Variants in TAFA4 observed in about 807,000 individuals in gnomAD.
The protein encoded by TAFA4 is chemokine-like protein TAFA-4.
TAFA4 carries 20 observed loss-of-function variants against 21.1 expected under a neutral mutation model. That is an observed-to-expected ratio of 0.95 (90% CI 0.67 to 1.38). The LOEUF (loss-of-function observed/expected upper bound fraction) is 1.38. Ranked by LOEUF, TAFA4 falls within the 40% of genes most tolerant of loss-of-function variation. The probability of loss-of-function intolerance (pLI) is 0.00; values close to 1 mark genes in which losing one functional copy is unlikely to be tolerated. For missense variants in TAFA4, 211 were observed against 180.9 expected (o/e 1.17, Z -0.95); for synonymous variants, 71 against 67.4 (o/e 1.05, Z -0.26).
At chr3:68,818,964 T>C (rs1023400586) in intron 3 of TAFA4, among the ~76,000 whole-genome samples, 10 of 152,206 alleles carry the variant, frequency 6.6e-5, no homozygotes, top group African/African-American at 2.2e-4. Context: ...CACAAAACTT[T>C]AATTTGTAAA....
intron 3 of TAFA4, among the ~76,000 whole-genome samples, chr3:68,871,049 G>A (rs2089476153): frequency 6.6e-6 from 1 of 152,070 alleles, no homozygotes; most frequent in African/African-American, 2.4e-5. Context: ...TAAAAAGTCA[G>A]GAAACAACAG....
chr3:68,809,608 G>A (rs1247620589), intron 3 of TAFA4, among the ~76,000 whole-genome samples: 1 of 145,826 alleles, frequency 6.9e-6, no homozygotes, highest in East Asian at 2.0e-4. Flanking sequence ...CCAGTGCTCT[G>A]GGATCACAGC....
rs74514036 is a variant in TAFA4, at chr3:68,875,382, C to T, written c.130+5348G>A. The stretch of plus-strand genomic sequence containing the variant: ...GCTGCAGTGGGCCCTCTGTGTTTTT[C>T]GTGCAAAAGCTCCCCAGGGAGAGAA... On this transcript the variant is annotated intron_variant, in intron 3 of 5. Transcript: ENST00000295569. 7.7e-3 allele frequency among the ~76,000 whole-genome samples: 1,173 copies of T among 152,196 alleles called. 13 individuals are homozygous for T. The highest frequency in any genetic ancestry group is 0.027 in the African/African-American group (1,115 of 41,518).
At chr3:68,889,584 G>C (rs2089710998) in intron 1 of TAFA4, among the ~76,000 whole-genome samples, 1 of 152,128 alleles carries the variant, frequency 6.6e-6, no homozygotes. Flanking sequence ...ATATGAATCT[G>C]CAGGGCATCA....
At chr3:68,806,868 G>A (rs931419942) in intron 3 of TAFA4, among the ~76,000 whole-genome samples, 1 of 152,154 alleles carries the variant, frequency 6.6e-6, no homozygotes, top group African/African-American at 2.4e-5. Context: ...CCAGAACTGT[G>A]AGAAATGAAT....
chr3:68,903,803 A>G (rs961227873), intron 1 of TAFA4, among the ~76,000 whole-genome samples: 2 of 152,166 alleles, frequency 1.3e-5, no homozygotes, highest in African/African-American at 4.8e-5. Context: ...TGGCTTCATC[A>G]AACTCCCAAA....
chr3:68,915,913 TATGG>T (rs1209049846), intron 1 of TAFA4, among the ~76,000 whole-genome samples: 1 of 152,212 alleles, frequency 6.6e-6, no homozygotes, highest in Non-Finnish European at 1.5e-5. Flanking sequence ...ATTCAATAAA[TATGG>T]AATTGACCAA....
chr3:68,787,246 G>C (rs1703277902), intron 3 of TAFA4, among the ~76,000 whole-genome samples: 1 of 152,050 alleles, frequency 6.6e-6, no homozygotes, highest in Non-Finnish European at 1.5e-5. Flanking sequence ...AGACCTAAGA[G>C]TATTCAGCGG....
chr3:68,926,088 C>T (rs148642134), intron 1 of TAFA4, among the ~76,000 whole-genome samples: 4,761 of 152,062 alleles, frequency 0.031, 106 homozygotes, highest in Non-Finnish European at 0.044. Flanking sequence ...AAAAATTAGC[C>T]AGGCATGGTG....
intron 3 of TAFA4, among the ~76,000 whole-genome samples, chr3:68,801,560 A>G (rs1331602635): frequency 2.0e-5 from 3 of 152,208 alleles, no homozygotes; most frequent in South Asian, 4.1e-4. Flanking sequence ...CACAACATGA[A>G]TGTCACCCAG....
intron 1 of TAFA4, among the ~76,000 whole-genome samples, chr3:68,922,174 T>G (rs1487321922): frequency 6.6e-6 from 1 of 152,196 alleles, no homozygotes; most frequent in Non-Finnish European, 1.5e-5. Flanking sequence ...AAATGTATTG[T>G]GTAAGAAAGT....
chr3:68,850,279 T>C (rs1704912654), intron 3 of TAFA4, among the ~76,000 whole-genome samples: 1 of 152,224 alleles, frequency 6.6e-6, no homozygotes, highest in East Asian at 1.9e-4. Flanking sequence ...CATTCAACAA[T>C]AACTACCAAG....
chr3:68,885,470 A>G (rs2089662489), intron 1 of TAFA4, among the ~76,000 whole-genome samples, 160 bp from the exon 2 acceptor site: 1 of 152,214 alleles, frequency 6.6e-6, no homozygotes, highest in East Asian at 1.9e-4. Flanking sequence ...AAGGTGTCCT[A>G]CTATTAGGGA....
At chr3:68,828,547 T>C (rs531639200) in intron 3 of TAFA4, among the ~76,000 whole-genome samples, 10 of 152,214 alleles carry the variant, frequency 6.6e-5, no homozygotes, top group Non-Finnish European at 1.2e-4. Context: ...TCCTCTTTTA[T>C]TTCATTGAGC....
chr3:68,835,845 C>T (rs1301715496), intron 3 of TAFA4, among the ~76,000 whole-genome samples: 1 of 152,214 alleles, frequency 6.6e-6, no homozygotes, highest in African/African-American at 2.4e-5. Context: ...CTTTCTGCAG[C>T]CTCCTTCCTC....
chr3:68,858,426 A>C (rs1705120463), intron 3 of TAFA4, among the ~76,000 whole-genome samples: 1 of 152,268 alleles, frequency 6.6e-6, no homozygotes, highest in African/African-American at 2.4e-5. Flanking sequence ...TGTAAAGCAA[A>C]ATGTTACTTG....
chr3:68,932,352 C>G lies in TAFA4; in HGVS notation c.-235G>C, dbSNP rs1331582677. The G allele has an allele frequency of 2.6e-5, 4 of 152,452 alleles. No homozygotes were observed. The highest frequency in any genetic ancestry group is 4.4e-5 in the Non-Finnish European group (3 of 68,222). The allele number at this position is 152,452 out of a possible 1,614,324, so 9.4% of individuals were successfully genotyped here. A position where few individuals can be genotyped will look rare whatever the true frequency, so the allele number is the denominator to read the frequency against. Reference sequence around the variant, plus strand: ...CGCCTCCCCGCGGGAGCCCCGGGAGCGGCCCATCACCTCTGCAGCCTCGCC... The same window carrying G: ...CGCCTCCCCGCGGGAGCCCCGGGAGGGGCCCATCACCTCTGCAGCCTCGCC... On this transcript the variant is annotated 5_prime_UTR_variant, in exon 1 of 6. Coordinates refer to ENST00000295569, the MANE Select transcript of TAFA4 (RefSeq NM_182522.5).
chr3:68,775,327 C>A (rs1407441838), intron 3 of TAFA4, among the ~76,000 whole-genome samples: 2 of 152,122 alleles, frequency 1.3e-5, no homozygotes, highest in African/African-American at 4.8e-5. Context: ...TAAGCTGTCA[C>A]TGTGAAATAG....
chr3:68,804,679 C>T (rs1336261035), intron 3 of TAFA4, among the ~76,000 whole-genome samples: 3 of 151,860 alleles, frequency 2.0e-5, no homozygotes, highest in African/African-American at 4.9e-5. Context: ...CTTTGACAAA[C>T]CTGAGAAAAA....
Sources: allele counts gnomAD v4.1 joint callset (sites outside exome capture counted in the v4.1 genomes callset), GRCh38; gene constraint gnomAD v4.1.1; transcripts MANE v1.5; gene names NCBI Gene and HGNC (gene_info 2026-07-23, HGNC 2026-07-21).